The following TBC1D22A variants were observed in gnomAD, a reference collection of about 807,000 sequenced individuals.
TBC1D22A encodes TBC1 domain family member 22A, also known as putative GTPase activator.
Under a neutral mutation model 60.2 loss-of-function variants are expected in TBC1D22A, and 38 were observed. That is an observed-to-expected ratio of 0.63 (90% CI 0.49 to 0.83). TBC1D22A has a LOEUF of 0.83. TBC1D22A is among the 40% of genes least tolerant of loss of function. The probability of loss-of-function intolerance (pLI) is 0.00; values close to 1 mark genes in which losing one functional copy is unlikely to be tolerated. For missense variants in TBC1D22A, 628 were observed against 701.0 expected (o/e 0.90, Z 1.18); for synonymous variants, 302 against 281.7 (o/e 1.07, Z -0.72).
intron 10 of TBC1D22A, among the ~76,000 whole-genome samples, chr22:47,026,558 G>T (rs567563065): frequency 3.3e-5 from 5 of 152,102 alleles, no homozygotes; most frequent in Non-Finnish European, 7.4e-5. Flanking sequence ...TTTAGCAAGG[G>T]TTCAGGATAC....
At chr22:47,052,595 C>G (rs77749031) in intron 11 of TBC1D22A, among the ~76,000 whole-genome samples, 6,035 of 152,282 alleles carry the variant, frequency 0.04, 151 homozygotes, top group South Asian at 0.064. Flanking sequence ...CAGTGTTGCA[C>G]CAAGCTTCTC....
intron 4 of TBC1D22A, among the ~76,000 whole-genome samples, chr22:46,842,528 C>G (rs117112809): frequency 5.3e-5 from 8 of 152,178 alleles, no homozygotes; most frequent in African/African-American, 1.9e-4. Context: ...GATATCAGTT[C>G]TCCCCGTAAA....
intron 10 of TBC1D22A, among the ~76,000 whole-genome samples, chr22:47,032,112 G>T (rs960257870): frequency 6.6e-6 from 1 of 152,220 alleles, no homozygotes; most frequent in Non-Finnish European, 1.5e-5. Context: ...GGCACAGGTG[G>T]GCTGCTGCTG....
intron 3 of TBC1D22A, among the ~76,000 whole-genome samples, chr22:46,795,173 G>A (rs2084598405): frequency 6.6e-6 from 1 of 152,248 alleles, no homozygotes; most frequent in African/African-American, 2.4e-5. Flanking sequence ...GAAACCTGGT[G>A]ACTGACTGAA....
Position 46,990,812 on chromosome 22 carries a change from G to T in TBC1D22A, c.1126-6822G>T, listed in dbSNP as rs9616191. Among the ~76,000 whole-genome samples, 1,383 of 152,290 alleles carry T rather than the reference G, an allele frequency of 9.1e-3. 16 individuals are homozygous for T. Among genetic ancestry groups the T allele is most frequent in the African/African-American group, 0.024 (991 of 41,558 alleles). ...GGCTTGCTGGCTGTCTCCCTCCCGC[G>T]CCGGCGTTCGTGACGGCTCTGCTCC... is the stretch of plus-strand genomic sequence containing the variant. On this transcript the variant is annotated intron_variant, in intron 9 of 12. Transcript: ENST00000337137. This position sits in a 1 kb window ranked among gnomAD's most constrained non-coding sequence, Gnocchi z 4.6.
intron 11 of TBC1D22A, among the ~76,000 whole-genome samples, chr22:47,040,870 G>A (rs1364846495): frequency 1.3e-5 from 2 of 152,104 alleles, no homozygotes; most frequent in Non-Finnish European, 2.9e-5. Context: ...CAGCCAAGCC[G>A]GCCTCCTGGG....
chr22:46,984,746 A>C (rs1398424101), intron 9 of TBC1D22A, among the ~76,000 whole-genome samples: 1 of 152,220 alleles, frequency 6.6e-6, no homozygotes, highest in South Asian at 2.1e-4. Context: ...TTATCTCAGA[A>C]CTTGTCAGAG....
chr22:47,128,027 A>C (rs1231845900), intron 12 of TBC1D22A, among the ~76,000 whole-genome samples: 2 of 40,782 alleles, frequency 4.9e-5, no homozygotes, highest in Admixed American at 2.5e-4. Flanking sequence ...TCCTCCCTCC[A>C]CCCCACCCAT....
At chr22:46,856,287 A>G (rs572239095) in intron 4 of TBC1D22A, among the ~76,000 whole-genome samples, 5 of 152,336 alleles carry the variant, frequency 3.3e-5, no homozygotes, top group African/African-American at 1.2e-4. Context: ...TGCTGAAGCC[A>G]ATCTTGTTAT....
At chr22:46,831,774 C>A (rs920598794) in intron 4 of TBC1D22A, among the ~76,000 whole-genome samples, 4 of 152,158 alleles carry the variant, frequency 2.6e-5, no homozygotes, top group Admixed American at 2.0e-4. Flanking sequence ...CTCCAATTAC[C>A]TTTTAGAGGA....
At chr22:46,829,167 C>T (rs748682630) in intron 4 of TBC1D22A, among the ~76,000 whole-genome samples, 1 of 152,140 alleles carries the variant, frequency 6.6e-6, no homozygotes, top group African/African-American at 2.4e-5. Context: ...TTTTCTTTGA[C>T]TCTTCTCTCT....
intron 11 of TBC1D22A, among the ~76,000 whole-genome samples, chr22:47,094,485 T>G (rs1176156999): frequency 6.6e-6 from 1 of 152,196 alleles, no homozygotes; most frequent in African/African-American, 2.4e-5. Context: ...AGCTCTTCCC[T>G]GAGTCTCTAG....
chr22:46,782,754 C>G (rs1270104994), intron 1 of TBC1D22A, among the ~76,000 whole-genome samples: 1 of 152,194 alleles, frequency 6.6e-6, no homozygotes, highest in Non-Finnish European at 1.5e-5. Flanking sequence ...TTTTGCGTCT[C>G]TCAGCTTCAT....
chr22:46,894,704 G>A (rs2068579834), intron 6 of TBC1D22A, 80 bp from the exon 7 acceptor site: 2 of 1,542,016 alleles, frequency 1.3e-6, no homozygotes, highest in South Asian at 1.1e-5. Context: ...ACTTACCTCA[G>A]TATTGCTGTT....
chr22:47,050,592 C>G (rs1228546400), intron 11 of TBC1D22A, among the ~76,000 whole-genome samples: 1 of 152,224 alleles, frequency 6.6e-6, no homozygotes, highest in Non-Finnish European at 1.5e-5. Context: ...TGAGGCCTCT[C>G]CAGGCGCCGC....
In TBC1D22A at chr22:46,781,140, G is replaced by T. The variant is rs201883501; in HGVS notation, c.63-11380G>T. ...TCCCTGGAGGTGCCCTCCCAATTTT[G>T]TTTTTTTTTTTTTTTTTAGACAGGG... On this transcript the variant is annotated intron_variant, in intron 1 of 12. Coordinates refer to ENST00000337137, the MANE Select transcript of TBC1D22A (RefSeq NM_014346.5). Among the ~76,000 whole-genome samples, 977 of 128,862 alleles carry T rather than the reference G, an allele frequency of 7.6e-3. 6 individuals are homozygous for T. Among genetic ancestry groups the T allele is most frequent in the African/African-American group, 0.02 (666 of 33,984 alleles). The allele number at this position is 128,862 out of a possible 152,430, so 84.5% of individuals were successfully genotyped here.
intron 8 of TBC1D22A, among the ~76,000 whole-genome samples, chr22:46,936,319 G>T (rs541921065): frequency 6.6e-6 from 1 of 151,770 alleles, no homozygotes; most frequent in Admixed American, 6.5e-5. Context: ...CAGGCTCCTC[G>T]CAGTTCTGCA....
At chr22:46,857,636 C>A (rs551815598) in intron 4 of TBC1D22A, among the ~76,000 whole-genome samples, 16 of 152,178 alleles carry the variant, frequency 1.1e-4, no homozygotes, top group Admixed American at 6.5e-5. Flanking sequence ...ATCCTGTACC[C>A]ATTAGTAGTC....
chr22:46,875,499 T>C (rs1454010748), intron 4 of TBC1D22A, among the ~76,000 whole-genome samples: 3 of 152,040 alleles, frequency 2.0e-5, no homozygotes. Context: ...CCACCCAGAC[T>C]GCGGTGCAGT....
Sources: gnomAD v4.1 joint callset for allele counts (sites outside exome capture counted in the v4.1 genomes callset) on GRCh38, gnomAD v4.1.1 for gene constraint, Gnocchi (gnomAD v3.1) non-coding constraint, MANE v1.5 for transcripts, NCBI Gene and HGNC (gene_info 2026-07-23, HGNC 2026-07-21) for gene names.